CTNNA2: variants seen among roughly 807,000 people sequenced by gnomAD.
The protein encoded by CTNNA2 is catenin alpha 2.
Under a neutral mutation model 101.0 loss-of-function variants are expected in CTNNA2, and 42 were observed. That is an observed-to-expected ratio of 0.42 (90% CI 0.32 to 0.54). The LOEUF (loss-of-function observed/expected upper bound fraction) is 0.54. Ranked by LOEUF, CTNNA2 falls within the 20% of genes least tolerant of loss-of-function variation. The pLI is 0.14. For missense variants in CTNNA2, 871 were observed against 1,223.1 expected, an observed-to-expected ratio of 0.71 and a Z score of 4.29; for synonymous variants, 450 against 456.4, an observed-to-expected ratio of 0.99 and a Z score of 0.18.
chr2:80,543,848 C>T (rs954229045), intron 9 of CTNNA2, among the ~76,000 whole-genome samples: 6 of 152,172 alleles, frequency 3.9e-5, no homozygotes, highest in South Asian at 2.1e-4. Context: ...AAAAGGCAGG[C>T]GGCCACAAGA....
chr2:79,366,079 A>C (rs192080394), intron 3 of CTNNA2, among the ~76,000 whole-genome samples: 157 of 152,328 alleles, frequency 1.0e-3, no homozygotes, highest in Non-Finnish European at 1.9e-3. Flanking sequence ...CTCTTAAAAG[A>C]AGCCTCGTTG....
At chr2:79,857,670 G>A (rs1411465040) in intron 3 of CTNNA2, among the ~76,000 whole-genome samples, 2 of 152,154 alleles carry the variant, frequency 1.3e-5, no homozygotes, top group African/African-American at 4.8e-5. Context: ...AAGTTGCCTG[G>A]TATCATTGGT....
intron 3 of CTNNA2, among the ~76,000 whole-genome samples, chr2:79,756,140 C>A (rs1162222462): frequency 6.6e-6 from 1 of 151,522 alleles, no homozygotes; most frequent in Admixed American, 6.6e-5. Context: ...GCATATTATT[C>A]TTTCACCTGA....
At chr2:79,663,117 C>T (rs1682155202) in intron 2 of CTNNA2, among the ~76,000 whole-genome samples, 1 of 152,120 alleles carries the variant, frequency 6.6e-6, no homozygotes, top group African/African-American at 2.4e-5. Flanking sequence ...TAGTCACACA[C>T]CCAAGAGTTC....
intron 7 of CTNNA2, among the ~76,000 whole-genome samples, chr2:80,136,999 C>T (rs1483861932): frequency 6.6e-6 from 1 of 152,184 alleles, no homozygotes; most frequent in East Asian, 1.9e-4. Context: ...AAAAGATCTT[C>T]TTTCCTGATC....
chr2:79,291,305 A>C (rs565335125), intron 2 of CTNNA2, among the ~76,000 whole-genome samples: 1 of 152,232 alleles, frequency 6.6e-6, no homozygotes, highest in Non-Finnish European at 1.5e-5. Flanking sequence ...AAATGAGACT[A>C]TCCCAGGAGA....
chr2:79,987,021 G>A (rs1432928853), intron 7 of CTNNA2, among the ~76,000 whole-genome samples: 1 of 152,198 alleles, frequency 6.6e-6, no homozygotes. Context: ...GCCTGTGGAT[G>A]CTTTTCTTGA....
At chr2:79,843,568 T>C (rs1558572936) in intron 3 of CTNNA2, among the ~76,000 whole-genome samples, 1 of 152,242 alleles carries the variant, frequency 6.6e-6, no homozygotes, top group Non-Finnish European at 1.5e-5. Flanking sequence ...AGAATTTTGC[T>C]TGTTAAACCT....
chr2:80,146,710 G>GTGTT (rs1703357936), intron 7 of CTNNA2, among the ~76,000 whole-genome samples: 1 of 61,744 alleles, frequency 1.6e-5, no homozygotes, highest in Non-Finnish European at 3.1e-5. Flanking sequence ...GTCCCCTCTG[G>GTGTT]TTTTTTTTTT....
Position 79,310,672 on chromosome 2 carries a change from A to T in CTNNA2, c.-405-2037A>T, listed in dbSNP as rs180774361. Among the ~76,000 whole-genome samples, 5 of 152,354 alleles carry T rather than the reference A, an allele frequency of 3.3e-5. No individual in the cohort carries two copies. The East Asian group carries it at 7.7e-4, about 24-fold the overall frequency. On this transcript the variant is annotated intron_variant, in intron 2 of 21. Transcript: ENST00000466387. ...ATTTTTTTCTCTCGTTAAAGATATAAATCAATGCAGAATTGAGAAACTGAG... is the reference window on the plus strand; with the variant it reads ...ATTTTTTTCTCTCGTTAAAGATATATATCAATGCAGAATTGAGAAACTGAG...
chr2:79,639,282 T>A (rs1210201032), intron 1 of CTNNA2, among the ~76,000 whole-genome samples: 2 of 152,224 alleles, frequency 1.3e-5, no homozygotes, highest in African/African-American at 2.4e-5. Flanking sequence ...TTCACTTTAA[T>A]GTTTACCACA....
intron 1 of CTNNA2, among the ~76,000 whole-genome samples, chr2:79,556,775 C>T (rs1461604052): frequency 6.6e-6 from 1 of 151,918 alleles, no homozygotes; most frequent in African/African-American, 2.4e-5. Flanking sequence ...CTCTTCGAGT[C>T]TCAGTTTTTA....
intron 7 of CTNNA2, among the ~76,000 whole-genome samples, chr2:80,172,136 T>G (rs1364827587): frequency 2.0e-5 from 3 of 152,090 alleles, no homozygotes; most frequent in Non-Finnish European, 4.4e-5. Flanking sequence ...ACCCCTGCAG[T>G]TGGACTTTGT....
intron 9 of CTNNA2, among the ~76,000 whole-genome samples, chr2:80,458,444 A>G (rs1054540171): frequency 6.6e-6 from 1 of 152,222 alleles, no homozygotes; most frequent in African/African-American, 2.4e-5. Context: ...TTATGTTAAA[A>G]AATAACAAAT....
intron 4 of CTNNA2, among the ~76,000 whole-genome samples, chr2:79,861,722 CT>C (rs1402921684): frequency 1.3e-5 from 2 of 152,094 alleles, no homozygotes; most frequent in Admixed American, 1.3e-4. Context: ...AAGGTTTTTG[CT>C]GCTGCTGTTA....
chr2:79,723,819 A>G (rs770812830), intron 2 of CTNNA2, among the ~76,000 whole-genome samples: 5 of 151,904 alleles, frequency 3.3e-5, no homozygotes, highest in South Asian at 2.1e-4. Flanking sequence ...CATCTTTTCT[A>G]TTAGTGCTGA....
At position 80,419,173 on chromosome 2, in the gene CTNNA2, G is replaced by A. The variant is rs534464241; in HGVS notation, c.1138-276G>A. Among the ~76,000 whole-genome samples, 10 of 152,296 alleles carry A rather than the reference G, an allele frequency of 6.6e-5. No homozygotes were observed. The East Asian group carries it at 1.9e-3, about 30-fold the overall frequency. The stretch of plus-strand genomic sequence containing the variant: ...CATCCAGAAGGTTCGGGTCAATGAA[G>A]GATGAGAGAAGGCCTTTGATGGGAG... On this transcript the variant is annotated intron_variant, in intron 8 of 18. Transcript: ENST00000402739.
At chr2:79,193,757 T>C (rs10496215) in intron 1 of CTNNA2, among the ~76,000 whole-genome samples, 17,978 of 152,180 alleles carry the variant, frequency 0.12, 1,156 homozygotes, top group Middle Eastern at 0.21. Flanking sequence ...GCATAAGATA[T>C]GGTCTATAGG....
At chr2:80,218,343 G>C (rs957389205) in intron 7 of CTNNA2, among the ~76,000 whole-genome samples, 2 of 152,244 alleles carry the variant, frequency 1.3e-5, no homozygotes, top group African/African-American at 4.8e-5. Flanking sequence ...AGCTCTTACA[G>C]TACCTGGAGG....
Sources: gnomAD v4.1 joint callset for allele counts (sites outside exome capture counted in the v4.1 genomes callset) on GRCh38, gnomAD v4.1.1 for gene constraint, MANE v1.5 for transcripts, NCBI Gene and HGNC (gene_info 2026-07-23, HGNC 2026-07-21) for gene names.